The following SIL1 variants were observed in gnomAD, a reference collection of about 807,000 sequenced individuals.
SIL1 encodes the protein SIL1 nucleotide exchange factor.
In SIL1, 40 loss-of-function variants were observed where a neutral mutation model predicts 49.1. That is an observed-to-expected ratio of 0.81 (90% CI 0.63 to 1.06). The LOEUF is 1.06. SIL1 is among the 50% of genes least tolerant of loss of function. The pLI, the probability that SIL1 is intolerant of heterozygous loss-of-function variation, is 0.00. For synonymous variants in SIL1, 253 were observed against 250.8 expected (o/e 1.01, Z -0.08); for missense variants, 500 against 572.6 (o/e 0.87, Z 1.29).
intron 1 of SIL1, among the ~76,000 whole-genome samples, chr5:139,172,266 C>G (rs1751786658): frequency 6.6e-6 from 1 of 152,084 alleles, no homozygotes; most frequent in Non-Finnish European, 1.5e-5. Flanking sequence ...CAACAAACTC[C>G]AAACAGGATG....
At chr5:139,151,120 C>T (rs922501977) in intron 1 of SIL1, among the ~76,000 whole-genome samples, 7 of 152,150 alleles carry the variant, frequency 4.6e-5, no homozygotes, top group African/African-American at 1.7e-4. Context: ...CTATGCCTCC[C>T]AGCCTCAACT....
intron 7 of SIL1, among the ~76,000 whole-genome samples, chr5:139,011,283 C>A (rs1005733402): frequency 4.0e-5 from 6 of 150,776 alleles, no homozygotes; most frequent in African/African-American, 7.3e-5. Flanking sequence ...TGACCCCTTG[C>A]GCTTCCCAGG....
chr5:139,022,260 C>T (rs1486281071), intron 6 of SIL1: 2 of 152,228 alleles, frequency 1.3e-5, no homozygotes, highest in Admixed American at 1.3e-4. Context: ...TGGCTGCTAC[C>T]CATCTTTCTC....
At chr5:139,001,509 C>T (rs571096403) in intron 7 of SIL1, among the ~76,000 whole-genome samples, 4 of 152,282 alleles carry the variant, frequency 2.6e-5, no homozygotes, top group South Asian at 2.1e-4. Flanking sequence ...AAGCTGTACA[C>T]GGAGCTACAT....
chr5:139,113,290 CAATAAAAAATAA>C lies in SIL1; in HGVS notation c.244+7733_244+7744del, dbSNP rs1341340700. Among the ~76,000 whole-genome samples, 14 of 150,200 alleles carry C rather than the reference CAATAAAAAATAA, an allele frequency of 9.3e-5. No homozygotes were observed. The South Asian group carries it at 1.3e-3, about 14-fold the overall frequency. On this transcript the variant is annotated intron_variant, in intron 3 of 9. Coordinates refer to ENST00000394817, the MANE Select transcript of SIL1 (RefSeq NM_022464.5). ...TCTGCGAGAAACACCCAAGAATGAT[CAATAAAAAATAA>C]AATAAAAAATAAATAAATAAATAAA...
chr5:138,984,848 C>T lies in SIL1; in HGVS notation c.768-32964G>A, dbSNP rs113216932. Among the ~76,000 whole-genome samples the T allele has an allele frequency of 7.9e-5, 12 of 152,324 alleles. 1 individual carries two copies. Among genetic ancestry groups the T allele is most frequent in the African/African-American group, 2.2e-4 (9 of 41,566 alleles). On this transcript the variant is annotated intron_variant, in intron 7 of 9. Coordinates refer to ENST00000394817, the MANE Select transcript of SIL1 (RefSeq NM_022464.5). ...GCTGAGTCTAAGCTGGAAAGCAGGG[C>T]GATGCCTCTGATAAGAACAAAGGCT...
At chr5:139,166,176 C>G (rs1374284085) in intron 1 of SIL1, among the ~76,000 whole-genome samples, 1 of 152,186 alleles carries the variant, frequency 6.6e-6, no homozygotes, top group Non-Finnish European at 1.5e-5. Context: ...GTCTCCCTAA[C>G]TAGACAACAA....
At chr5:139,035,401 C>T (rs940224542) in intron 5 of SIL1, 26 of 538,668 alleles carry the variant, frequency 4.8e-5, no homozygotes, top group Admixed American at 2.1e-4. Flanking sequence ...AGGGCTTTGA[C>T]GATCAGGGCA....
chr5:139,193,833 A>G (rs776629517), intron 1 of SIL1, among the ~76,000 whole-genome samples: 2 of 152,114 alleles, frequency 1.3e-5, no homozygotes, highest in African/African-American at 4.8e-5. Flanking sequence ...ATGGTGGTCC[A>G]CTCTTCTCAA....
At chr5:139,123,665 C>T (rs750502942) in intron 2 of SIL1, among the ~76,000 whole-genome samples, 9 of 152,072 alleles carry the variant, frequency 5.9e-5, no homozygotes, top group Non-Finnish European at 1.0e-4. Flanking sequence ...ATGAAATGCC[C>T]CAGGGGCCAG....
At chr5:138,984,177 C>T (rs1767597160) in intron 7 of SIL1, among the ~76,000 whole-genome samples, 1 of 152,108 alleles carries the variant, frequency 6.6e-6, no homozygotes, top group Non-Finnish European at 1.5e-5. Flanking sequence ...GCTGTGCTTG[C>T]AGGACTTCAG....
At chr5:139,055,574 A>G (rs1015166161) in intron 3 of SIL1, among the ~76,000 whole-genome samples, 5 of 149,950 alleles carry the variant, frequency 3.3e-5, no homozygotes, top group Admixed American at 2.0e-4. Context: ...TATTGTCATG[A>G]AAAGAACATC....
At chr5:138,972,879 A>G (rs1334079820) in intron 7 of SIL1, among the ~76,000 whole-genome samples, 3 of 152,256 alleles carry the variant, frequency 2.0e-5, no homozygotes, top group Non-Finnish European at 4.4e-5. Context: ...CAAGTCCAGG[A>G]CAAACGGGTC....
At chr5:139,004,034 A>C (rs1457466686) in intron 7 of SIL1, among the ~76,000 whole-genome samples, 6 of 152,196 alleles carry the variant, frequency 3.9e-5, no homozygotes, top group African/African-American at 1.2e-4. Context: ...GAACTGATGA[A>C]AATTATATCA....
intron 3 of SIL1, among the ~76,000 whole-genome samples, chr5:139,092,732 C>T (rs9327838): frequency 0.021 from 3,173 of 152,276 alleles, 118 homozygotes; most frequent in African/African-American, 0.073. Context: ...TTTTATCTTA[C>T]ATTTTGTTGC....
At chr5:139,177,578 G>A (rs1350057363) in intron 1 of SIL1, among the ~76,000 whole-genome samples, 1 of 151,780 alleles carries the variant, frequency 6.6e-6, no homozygotes, top group African/African-American at 2.4e-5. Context: ...CCAGTCCAAG[G>A]GCCAAGCTCC....
chr5:138,992,668 C>A (rs1291496237), intron 7 of SIL1, among the ~76,000 whole-genome samples: 1 of 151,258 alleles, frequency 6.6e-6, no homozygotes, highest in African/African-American at 2.4e-5. Context: ...CGCTAAACTA[C>A]AAGGACACAA....
At chr5:139,124,933 A>G (rs1750724620) in intron 2 of SIL1, among the ~76,000 whole-genome samples, 1 of 152,206 alleles carries the variant, frequency 6.6e-6, no homozygotes, top group African/African-American at 2.4e-5. Flanking sequence ...AAGCCCATAC[A>G]CAAGTTTTGA....
chr5:139,050,922 A>G lies in SIL1; in HGVS notation c.353+16T>C, dbSNP rs1581059726. ...GTTATCACTTAGCCTCCCAGTCCCT[A>G]GGGTTGACACTGTACCTTTTGCCTT... On this transcript the variant is annotated intron_variant, in intron 4 of 9. Coordinates refer to ENST00000394817, the MANE Select transcript of SIL1 (RefSeq NM_022464.5). 6.2e-7 allele frequency: 1 copy of G among 1,603,354 alleles called. No homozygotes were observed. The highest frequency in any genetic ancestry group is 8.5e-7 in the Non-Finnish European group (1 of 1,170,152).
Sources: gnomAD v4.1 joint callset for allele counts (sites outside exome capture counted in the v4.1 genomes callset) on GRCh38, gnomAD v4.1.1 for gene constraint, MANE v1.5 for transcripts, NCBI Gene and HGNC (gene_info 2026-07-23, HGNC 2026-07-21) for gene names.